The following SLC35E2B variants were observed in gnomAD, a reference collection of about 807,000 sequenced individuals.
The protein encoded by SLC35E2B is solute carrier family 35, member E2B.
Under a neutral mutation model 32.4 loss-of-function variants are expected in SLC35E2B, and 18 were observed. The observed-to-expected ratio is 0.56, with a 90% CI of 0.38 to 0.82. SLC35E2B has a LOEUF of 0.82. Among genes scored for constraint, SLC35E2B ranks in the 40% least tolerant of loss-of-function variants. SLC35E2B has a pLI of 0.00. For missense variants in SLC35E2B, 263 were observed against 469.5 expected, an observed-to-expected ratio of 0.56 and a Z score of 4.06; for synonymous variants, 132 against 209.1, an observed-to-expected ratio of 0.63 and a Z score of 3.18.
chr1:1,690,537 G>A (rs1644007218), intron 2 of SLC35E2B, among the ~76,000 whole-genome samples: 1 of 139,146 alleles, frequency 7.2e-6, no homozygotes, highest in African/African-American at 2.6e-5. Flanking sequence ...TCAGGAGTTC[G>A]AGACCAGCCT....
At position 1,665,549 on chromosome 1, in the gene SLC35E2B, G is replaced by T. The variant is rs1195512543; in HGVS notation, c.*233C>A. ...CTGTTTTCACATTACACGGGGATGG[G>T]CTCGGCGGACACAGTCAGCTACTGG... On this transcript the variant is annotated 3_prime_UTR_variant, in exon 10 of 10. Coordinates refer to ENST00000617444, the MANE Select transcript of SLC35E2B (RefSeq NM_001290264.2). The T allele has an allele frequency of 1.5e-6, 1 of 652,214 alleles. No individual in the cohort carries two copies. Among genetic ancestry groups the T allele is most frequent in the South Asian group, 2.1e-5 (1 of 48,020 alleles). The allele number at this position is 652,214 out of a possible 1,614,324, so 40.4% of individuals were successfully genotyped here. A position where few individuals can be genotyped will look rare whatever the true frequency, so the allele number is the denominator to read the frequency against.
intron 5 of SLC35E2B, chr1:1,673,249 G>A (rs1197449845): frequency 1.3e-5 from 6 of 445,896 alleles, no homozygotes; most frequent in Non-Finnish European, 4.5e-6. Context: ...TACACGCACT[G>A]AGGGTTGACC....
chr1:1,685,867 T>C (rs1643944063), intron 2 of SLC35E2B, among the ~76,000 whole-genome samples: 1 of 152,200 alleles, frequency 6.6e-6, no homozygotes, highest in African/African-American at 2.4e-5. Context: ...AGTCTCGCTC[T>C]GTCGCCCAGG....
chr1:1,692,450 G>C lies in SLC35E2B; in HGVS notation c.-567C>G, dbSNP rs1481589969. 1.0e-6 allele frequency: 1 copy of C among 989,758 alleles called. No homozygotes were observed. Among genetic ancestry groups the C allele is most frequent in the Non-Finnish European group, 1.2e-6 (1 of 833,652 alleles). 61.3% of individuals were successfully genotyped at this position (989,758 alleles called of 1,614,324 possible). A position where few individuals can be genotyped will look rare whatever the true frequency, so the allele number is the denominator to read the frequency against. On this transcript the variant is annotated splice_region_variant and 5_prime_UTR_variant, in exon 1 of 10. Coordinates refer to ENST00000617444, the MANE Select transcript of SLC35E2B (RefSeq NM_001290264.2). ...GAGCACCCCGCACGCAGAACCCACC[G>C]AGAGCCTGATGCAGTCTCCGCCGCA...
rs542340354 is a variant in SLC35E2B at position 1,667,748 on chromosome 1, C to G, written c.980+579G>C. Among the ~76,000 whole-genome samples the G allele has an allele frequency of 1.4e-4, 22 of 152,302 alleles. No homozygotes were observed. In the East Asian group the frequency reaches 4.2e-3, roughly 29 times the overall value. On this transcript the variant is annotated intron_variant, in intron 9 of 9. Transcript: ENST00000617444. ...CGCCCGACTATTCTAGACAGAAAAG[C>G]ACTCAATTTCAAAAACCTTCAAACG... is the stretch of plus-strand genomic sequence containing the variant.
chr1:1,668,978 G>A (rs1643615669), intron 8 of SLC35E2B, among the ~76,000 whole-genome samples: 1 of 145,118 alleles, frequency 6.9e-6, no homozygotes, highest in South Asian at 2.2e-4. Context: ...GCAACAGAGT[G>A]AGATATCATC....
chr1:1,663,426 C>T lies in SLC35E2B; in HGVS notation c.*2356G>A. On this transcript the variant is annotated 3_prime_UTR_variant, in exon 10 of 10. Coordinates refer to ENST00000617444, the MANE Select transcript of SLC35E2B (RefSeq NM_001290264.2). ...GGCCACCCTGGGAGTTGCTTTCAAT[C>T]TGTCCTCACAAATCAACAACTCCCC... 1.1e-6 allele frequency: 1 copy of T among 952,008 alleles called. No individual in the cohort carries two copies. Among genetic ancestry groups the T allele is most frequent in the African/African-American group, 1.8e-5 (1 of 57,036 alleles). The allele number at this position is 952,008 out of a possible 1,614,324, so 59.0% of individuals were successfully genotyped here.
Position 1,671,597 on chromosome 1 carries a change from T to C in SLC35E2B, c.619A>G (p.Met207Val), listed in dbSNP as rs1170981842. The C allele has an allele frequency of 1.3e-6, 2 of 1,548,386 alleles. No homozygotes were observed. The highest frequency in any genetic ancestry group is 1.7e-6 in the Non-Finnish European group (2 of 1,145,652). Reference sequence around the variant, plus strand: ...GCCGTGCACAGCGCCAGCCCGCCCATGACTGGGATGAGGGAGAGGTTGACC... The same window carrying C: ...GCCGTGCACAGCGCCAGCCCGCCCACGACTGGGATGAGGGAGAGGTTGACC... ...LLVNLSLIPV[M>V]GGLALCTATE... The change falls in exon 6 of 10, where the codon ATG (methionine) becomes GTG (valine). Residue 207 changes from methionine to valine, a missense_variant. By Grantham distance (21) the Met-to-Val change is conservative (BLOSUM62 1). This residue lies in a region of SLC35E2B where 129 missense variants were observed against 164.5 expected (regional missense o/e 0.78). Coordinates refer to ENST00000617444, the MANE Select transcript of SLC35E2B (RefSeq NM_001290264.2).
chr1:1,670,326 T>G (rs1643654786), intron 6 of SLC35E2B, 175 bp from the exon 7 acceptor site: 3 of 558,912 alleles, frequency 5.4e-6, no homozygotes, highest in Non-Finnish European at 6.4e-6. Context: ...TTCACCGTGT[T>G]GGCCAGGCTG....
chr1:1,677,546 G>A (rs1643864293), intron 2 of SLC35E2B, among the ~76,000 whole-genome samples: 1 of 149,388 alleles, frequency 6.7e-6, no homozygotes, highest in South Asian at 2.1e-4. Flanking sequence ...GGCGTGATCT[G>A]GGCTCACTGC....
At chr1:1,671,837 C>G (rs539310611) in intron 5 of SLC35E2B, among the ~76,000 whole-genome samples, 2 of 152,312 alleles carry the variant, frequency 1.3e-5, no homozygotes, top group South Asian at 4.1e-4. Flanking sequence ...AAAGGTGGCG[C>G]CTTTCACTCT....
Position 1,676,122 on chromosome 1 carries a change from C to T in SLC35E2B, c.400G>A (p.Ala134Thr). The change falls in exon 4 of 10, where the codon GCC becomes ACC. Residue 134 changes from alanine to threonine, a missense_variant. By Grantham distance (58) the Ala-to-Thr change is moderately conservative (BLOSUM62 0). Around this residue, in one of 7 missense-constraint regions of SLC35E2B, gnomAD observed 7 missense variants for 29.2 expected, o/e 0.24. Coordinates refer to ENST00000617444, the MANE Select transcript of SLC35E2B (RefSeq NM_001290264.2). ...AAGTTGGGTGGGTAGGAAAGCCGGG[C>T]CTTGTGCTGATACAAACAGCAAGGA... ...LVPCCLYQHK[A>T]RLSYPPNFLM... is the part of the protein sequence containing the mutation. 8.0e-7 allele frequency: 1 copy of T among 1,257,470 alleles called. No individual in the cohort carries two copies. The highest frequency in any genetic ancestry group is 1.2e-5 in the South Asian group (1 of 81,856). The allele number at this position is 1,257,470 out of a possible 1,614,324, so 77.9% of individuals were successfully genotyped here. A position where few individuals can be genotyped will look rare whatever the true frequency, so the allele number is the denominator to read the frequency against.
chr1:1,680,609 C>T (rs1387829866), intron 2 of SLC35E2B, among the ~76,000 whole-genome samples: 1 of 152,072 alleles, frequency 6.6e-6, no homozygotes, highest in Non-Finnish European at 1.5e-5. Context: ...GTGACTGTCC[C>T]GTCCCTGCAG....
At chr1:1,669,952 C>T in intron 7 of SLC35E2B, 146 bp downstream of exon 7, 2 of 876,230 alleles carry the variant, frequency 2.3e-6, no homozygotes, top group Non-Finnish European at 3.7e-6. Context: ...GGGCGGGTCC[C>T]TCCCGAGCTT....
Position 1,665,328 on chromosome 1 carries a change from G to A in SLC35E2B, c.*454C>T. ...TCCCCTCCCTTCGGCCCTGCTCTGT[G>A]GCCTCATGCCCAGGGCCAGTCTGCC... On this transcript the variant is annotated 3_prime_UTR_variant, in exon 10 of 10. Coordinates refer to ENST00000617444, the MANE Select transcript of SLC35E2B (RefSeq NM_001290264.2). The A allele has an allele frequency of 5.2e-6, 2 of 385,606 alleles. No individual in the cohort carries two copies. The highest frequency in any genetic ancestry group is 7.9e-5 in the East Asian group (2 of 25,374). 23.9% of individuals were successfully genotyped at this position (385,606 alleles called of 1,614,324 possible). A position where few individuals can be genotyped will look rare whatever the true frequency, so the allele number is the denominator to read the frequency against.
intron 7 of SLC35E2B, 57 bp from the exon 8 acceptor site, chr1:1,669,793 C>A: frequency 6.6e-7 from 1 of 1,520,130 alleles, no homozygotes; most frequent in Middle Eastern, 1.9e-4. Flanking sequence ...AGTTCACACG[C>A]AGCTCCCTCA....
At chr1:1,681,701 T>A (rs1423432440) in intron 2 of SLC35E2B, among the ~76,000 whole-genome samples, 3 of 148,830 alleles carry the variant, frequency 2.0e-5, no homozygotes, top group Non-Finnish European at 3.0e-5. Flanking sequence ...GAGATAGGAT[T>A]TAGGCCGGGC....
chr1:1,671,714 A>C, intron 5 of SLC35E2B, 85 bp from the exon 6 acceptor site: 2 of 1,319,220 alleles, frequency 1.5e-6, no homozygotes, highest in Non-Finnish European at 2.0e-6. Context: ...ATCCCCTCTT[A>C]TGAAAGGAAC....
chr1:1,663,368 C>T lies in SLC35E2B; in HGVS notation c.*2414G>A, dbSNP rs1165276201. The T allele has an allele frequency of 1.9e-5, 18 of 962,280 alleles. 1 individual carries two copies. In the East Asian group the frequency reaches 1.4e-3, roughly 73 times the overall value. The allele number at this position is 962,280 out of a possible 1,614,324, so 59.6% of individuals were successfully genotyped here. On this transcript the variant is annotated 3_prime_UTR_variant, in exon 10 of 10. Transcript: ENST00000617444. ...GCCAGACCACAATCTTCAAAGAGGC[C>T]GGCAGCCACATTCTCGACGGGGAGG...
Sources: gnomAD v4.1 joint callset for allele counts (sites outside exome capture counted in the v4.1 genomes callset) on GRCh38, gnomAD v4.1.1 for gene constraint, gnomAD v4.1.1 regional missense constraint, MANE v1.5 for transcripts, NCBI Gene and HGNC (gene_info 2026-07-23, HGNC 2026-07-21) for gene names.